Variants in GRID1 observed in about 807,000 individuals in gnomAD.
GRID1 encodes glutamate ionotropic receptor delta type subunit 1.
In GRID1, 28 loss-of-function variants were observed where a neutral mutation model predicts 98.0. The observed-to-expected ratio is 0.29, with a 90% CI of 0.21 to 0.39. The LOEUF (loss-of-function observed/expected upper bound fraction) is 0.39. GRID1 is among the 10% of genes least tolerant of loss of function. The pLI is 1.00. For missense variants in GRID1, 1,111 were observed against 1,340.5 expected (o/e 0.83, Z 2.67); for synonymous variants, 553 against 538.5 (o/e 1.03, Z -0.37).
chr10:85,980,737 T>C (rs187781774), intron 4 of GRID1, among the ~76,000 whole-genome samples: 7 of 152,326 alleles, frequency 4.6e-5, no homozygotes, highest in Admixed American at 4.6e-4. Flanking sequence ...ATGTGTCTCC[T>C]ACATGCATTG....
At chr10:85,906,622 G>A (rs1841465290) in intron 5 of GRID1, among the ~76,000 whole-genome samples, 1 of 152,034 alleles carries the variant, frequency 6.6e-6, no homozygotes, top group Non-Finnish European at 1.5e-5. Context: ...CAAATATTTG[G>A]AAACTAAAAA....
chr10:86,218,426 G>A (rs972857490), intron 2 of GRID1, among the ~76,000 whole-genome samples: 8 of 152,056 alleles, frequency 5.3e-5, no homozygotes, highest in African/African-American at 1.9e-4. Context: ...CTCACTCCTT[G>A]GCCAGCAGCC....
chr10:85,888,755 C>T (rs1039095792), intron 5 of GRID1, among the ~76,000 whole-genome samples: 1 of 152,206 alleles, frequency 6.6e-6, no homozygotes, highest in South Asian at 2.1e-4. Flanking sequence ...TTTGTTTTTA[C>T]TATTTCCTTT....
At chr10:85,743,959 A>G (rs990554255) in intron 8 of GRID1, among the ~76,000 whole-genome samples, 5 of 152,200 alleles carry the variant, frequency 3.3e-5, no homozygotes, top group Non-Finnish European at 5.9e-5. Context: ...TAAATAAAGT[A>G]TATAGAAGAT....
chr10:86,123,193 A>G (rs1246966530), intron 4 of GRID1, among the ~76,000 whole-genome samples: 2 of 152,104 alleles, frequency 1.3e-5, no homozygotes, highest in African/African-American at 4.8e-5. Context: ...GGGTCACAGG[A>G]GGAGAAGGGG....
intron 4 of GRID1, among the ~76,000 whole-genome samples, chr10:86,002,841 A>G (rs1842817472): frequency 6.6e-6 from 1 of 152,256 alleles, no homozygotes; most frequent in South Asian, 2.1e-4. Flanking sequence ...TTCATTGTGC[A>G]CATACTATGT....
At chr10:86,163,130 A>T (rs1845345452) in intron 3 of GRID1, among the ~76,000 whole-genome samples, 1 of 152,212 alleles carries the variant, frequency 6.6e-6, no homozygotes, top group African/African-American at 2.4e-5. Flanking sequence ...CCAATGGGCC[A>T]GTACCCTCAG....
chr10:85,896,095 A>G (rs947869772), intron 5 of GRID1, among the ~76,000 whole-genome samples: 1 of 152,116 alleles, frequency 6.6e-6, no homozygotes, highest in African/African-American at 2.4e-5. Context: ...GCTACTTTAC[A>G]TTGTCTTCCA....
intron 3 of GRID1, among the ~76,000 whole-genome samples, chr10:86,177,134 T>G (rs1845586622): frequency 1.4e-5 from 2 of 144,274 alleles, no homozygotes; most frequent in South Asian, 4.6e-4. Flanking sequence ...CCGAGAGAGA[T>G]GAACACACCC....
chr10:85,773,725 T>C (rs2132715453), intron 8 of GRID1, among the ~76,000 whole-genome samples: 1 of 152,284 alleles, frequency 6.6e-6, no homozygotes, highest in African/African-American at 2.4e-5. Flanking sequence ...TCATTTACAA[T>C]TGCTTCAAAG....
chr10:86,117,491 G>C (rs373623841), intron 4 of GRID1, among the ~76,000 whole-genome samples: 260 of 147,054 alleles, frequency 1.8e-3, no homozygotes, highest in African/African-American at 6.1e-3. Flanking sequence ...ACCATCACCA[G>C]CATCATAATC....
In GRID1 at chr10:85,916,192, C is replaced by T. The variant is rs1457662719; in HGVS notation, c.774G>A (p.Val258=). The change falls in exon 5 of 16, where the codon GTG becomes GTA. Residue 258 remains valine, a synonymous_variant. Transcript: ENST00000327946. This position sits in a 1 kb window ranked among gnomAD's most constrained non-coding sequence, Gnocchi z 4.0. ...ACATTTCTAGAGCCCTTACCTCATT[C>T]ACAAAGACCCAGTGGCTGTCCTTGG... The part of the protein sequence containing the change: ...LASKDSHWVF[V]NEEISDPEIL... The T allele has an allele frequency of 3.7e-6, 6 of 1,612,606 alleles. No individual in the cohort carries two copies. The highest frequency in any genetic ancestry group is 5.1e-6 in the Non-Finnish European group (6 of 1,178,740).
At chr10:85,953,062 T>C (rs955625498) in intron 4 of GRID1, among the ~76,000 whole-genome samples, 1 of 152,188 alleles carries the variant, frequency 6.6e-6, no homozygotes, top group African/African-American at 2.4e-5. Flanking sequence ...ATGTGTTAAT[T>C]TTTTATATTA....
At chr10:85,633,224 C>G (rs971664267) in intron 13 of GRID1, among the ~76,000 whole-genome samples, 13 of 152,180 alleles carry the variant, frequency 8.5e-5, no homozygotes, top group African/African-American at 3.1e-4. Context: ...GCCACCATGG[C>G]TGGCTCTTTC....
intron 4 of GRID1, among the ~76,000 whole-genome samples, chr10:85,985,506 G>T: frequency 6.6e-6 from 1 of 152,164 alleles, no homozygotes; most frequent in Non-Finnish European, 1.5e-5. Context: ...AGGGTTTACC[G>T]CATGGTACAT....
chr10:86,093,301 A>G (rs1263070661), intron 4 of GRID1, among the ~76,000 whole-genome samples: 2 of 152,120 alleles, frequency 1.3e-5, no homozygotes, highest in Non-Finnish European at 2.9e-5. Context: ...AGACAATCTA[A>G]GGTCACACCT....
At chr10:85,771,835 A>T (rs1842272158) in intron 8 of GRID1, among the ~76,000 whole-genome samples, 1 of 152,188 alleles carries the variant, frequency 6.6e-6, no homozygotes, top group African/African-American at 2.4e-5. Context: ...GTCCTGAGTG[A>T]CCTACAAAGA....
intron 1 of GRID1, among the ~76,000 whole-genome samples, 189 bp from the exon 2 acceptor site, chr10:86,364,285 C>G (rs1299774195): frequency 6.6e-6 from 1 of 152,186 alleles, no homozygotes; most frequent in African/African-American, 2.4e-5. Context: ...TTCCCCTCCC[C>G]CCACCAGCCC....
intron 8 of GRID1, among the ~76,000 whole-genome samples, chr10:85,823,115 C>G (rs1012507863): frequency 6.6e-6 from 1 of 151,884 alleles, no homozygotes; most frequent in African/African-American, 2.4e-5. Flanking sequence ...TGCAGCACAC[C>G]AACATGGCAC....
Sources: gnomAD v4.1 joint callset for allele counts (sites outside exome capture counted in the v4.1 genomes callset) on GRCh38, gnomAD v4.1.1 for gene constraint, Gnocchi (gnomAD v3.1) non-coding constraint, MANE v1.5 for transcripts, NCBI Gene and HGNC (gene_info 2026-07-23, HGNC 2026-07-21) for gene names.